SYNDIG1: variants seen among roughly 807,000 people sequenced by gnomAD.
SYNDIG1 encodes synapse differentiation inducing 1, also known as synapse differentiation-inducing gene protein 1.
Under a neutral mutation model 19.4 loss-of-function variants are expected in SYNDIG1, and 9 were observed. That is an observed-to-expected ratio of 0.46 (90% CI 0.28 to 0.81). The LOEUF (loss-of-function observed/expected upper bound fraction) is 0.81. Among genes scored for constraint, SYNDIG1 ranks in the 30% least tolerant of loss-of-function variants. The probability of loss-of-function intolerance (pLI) is 0.12; values close to 1 mark genes in which losing one functional copy is unlikely to be tolerated. For synonymous variants in SYNDIG1, 141 were observed against 145.9 expected (o/e 0.97, Z 0.24); for missense variants, 311 against 343.3 (o/e 0.91, Z 0.74).
In SYNDIG1 at chr20:24,634,068, G is replaced by A. The variant is rs74588106; in HGVS notation, c.619-31278G>A. Among the ~76,000 whole-genome samples, 1,383 of 152,264 alleles carry A rather than the reference G, an allele frequency of 9.1e-3. 10 individuals are homozygous for A. The highest frequency in any genetic ancestry group is 0.016 in the Admixed American group (237 of 15,288). On this transcript the variant is annotated intron_variant, in intron 3 of 3. Transcript: ENST00000376862. ...AAAACAGAAGGAGGAGGAAGAGAAT[G>A]GAGAAAGAAAGCATGAAAACTGAAC...
chr20:24,553,690 C>G (rs1337333665), intron 2 of SYNDIG1, among the ~76,000 whole-genome samples: 1 of 152,194 alleles, frequency 6.6e-6, no homozygotes, highest in Non-Finnish European at 1.5e-5. Context: ...GGTACCAGGA[C>G]CATGCTGTTT....
At chr20:24,656,898 C>T (rs1327387168) in intron 3 of SYNDIG1, among the ~76,000 whole-genome samples, 1 of 152,196 alleles carries the variant, frequency 6.6e-6, no homozygotes, top group South Asian at 2.1e-4. Flanking sequence ...TTGGGTCCTG[C>T]GGACGGATCC....
Position 24,573,688 on chromosome 20 carries a change from C to T in SYNDIG1, c.481-11168C>T, listed in dbSNP as rs1600659513. On this transcript the variant is annotated intron_variant, in intron 2 of 3. Coordinates refer to ENST00000376862, the MANE Select transcript of SYNDIG1 (RefSeq NM_024893.3). ...CCAAGGTATGCATCTGTTCATTGCA[C>T]CCATCTGTTTGGCAGCGGTGATGAG... 1.3e-5 allele frequency among the ~76,000 whole-genome samples: 2 copies of T among 152,340 alleles called. 1 individual carries two copies. Among genetic ancestry groups the T allele is most frequent in the South Asian group, 4.1e-4 (2 of 4,830 alleles).
At chr20:24,582,031 C>A (rs1283445798) in intron 2 of SYNDIG1, among the ~76,000 whole-genome samples, 1 of 132,846 alleles carries the variant, frequency 7.5e-6, no homozygotes, top group Non-Finnish European at 1.6e-5. Context: ...GTCCTCCCCC[C>A]GCACATCCTC....
At chr20:24,539,253 A>T (rs908641182) in intron 1 of SYNDIG1, among the ~76,000 whole-genome samples, 1 of 152,076 alleles carries the variant, frequency 6.6e-6, no homozygotes, top group African/African-American at 2.4e-5. Flanking sequence ...TGATTGATTT[A>T]TTTGGGATTG....
intron 3 of SYNDIG1, among the ~76,000 whole-genome samples, chr20:24,617,625 G>C (rs985736490): frequency 6.6e-6 from 1 of 152,174 alleles, no homozygotes; most frequent in African/African-American, 2.4e-5. Context: ...ACCCAGCAAA[G>C]CCCGGGGGTG....
chr20:24,504,301 A>G (rs1408978197), intron 1 of SYNDIG1, among the ~76,000 whole-genome samples: 1 of 152,184 alleles, frequency 6.6e-6, no homozygotes, highest in East Asian at 1.9e-4. Context: ...TGGTGTGGCT[A>G]TCTGATGGCT....
intron 3 of SYNDIG1, among the ~76,000 whole-genome samples, chr20:24,608,876 G>C (rs1333160133): frequency 6.6e-6 from 1 of 152,170 alleles, no homozygotes; most frequent in Admixed American, 6.5e-5. Context: ...ATTAGATGAT[G>C]TTCAGAAAAA....
chr20:24,622,297 A>C (rs1338134924), intron 3 of SYNDIG1, among the ~76,000 whole-genome samples: 2 of 152,264 alleles, frequency 1.3e-5, no homozygotes, highest in Non-Finnish European at 2.9e-5. Context: ...GATAGGTGAA[A>C]GGAAATGACC....
chr20:24,540,398 T>A (rs1314629692), intron 1 of SYNDIG1, among the ~76,000 whole-genome samples: 1 of 152,220 alleles, frequency 6.6e-6, no homozygotes, highest in Non-Finnish European at 1.5e-5. Flanking sequence ...TTTCTCTGGC[T>A]ACAGTTTTTA....
intron 2 of SYNDIG1, among the ~76,000 whole-genome samples, chr20:24,554,351 G>C (rs1272468680): frequency 6.6e-6 from 1 of 152,174 alleles, no homozygotes; most frequent in South Asian, 2.1e-4. Context: ...TGTTGAATAG[G>C]AGTGATGAGA....
chr20:24,474,314 G>A (rs2055555154), intron 1 of SYNDIG1, among the ~76,000 whole-genome samples: 1 of 152,110 alleles, frequency 6.6e-6, no homozygotes, highest in African/African-American at 2.4e-5. Context: ...ACTATTGTTT[G>A]ATAAATGACC....
intron 3 of SYNDIG1, among the ~76,000 whole-genome samples, chr20:24,586,494 G>A (rs1169880672): frequency 6.6e-6 from 1 of 152,216 alleles, no homozygotes; most frequent in African/African-American, 2.4e-5. Context: ...TGGAGAAATG[G>A]GTGTGGGCAC....
intron 1 of SYNDIG1, among the ~76,000 whole-genome samples, chr20:24,498,655 CTCA>C (rs1054682437): frequency 1.3e-5 from 2 of 152,154 alleles, no homozygotes; most frequent in African/African-American, 4.8e-5. Context: ...TTCAGGATTC[CTCA>C]TGTCATGTAT....
intron 1 of SYNDIG1, among the ~76,000 whole-genome samples, chr20:24,511,322 AG>A (rs1165848820): frequency 6.6e-6 from 1 of 152,176 alleles, no homozygotes; most frequent in East Asian, 1.9e-4. Context: ...TTAGTTCCTC[AG>A]TGTAGGAGTT....
Position 24,493,381 on chromosome 20 carries a change from GAC to G in SYNDIG1, c.-79+23636_-79+23637del, listed in dbSNP as rs763653241. Among the ~76,000 whole-genome samples the G allele has an allele frequency of 2.3e-4, 35 of 152,036 alleles. 1 individual carries two copies. Among genetic ancestry groups the G allele is most frequent in the East Asian group, 1.2e-3 (6 of 5,172 alleles). On this transcript the variant is annotated intron_variant, in intron 1 of 3. Coordinates refer to ENST00000376862, the MANE Select transcript of SYNDIG1 (RefSeq NM_024893.3). ...AAACACGCATGCACACACACATGTG[GAC>G]ACACACAGACATGCACGGGCACACA...
At chr20:24,636,080 G>A (rs1031143021) in intron 3 of SYNDIG1, among the ~76,000 whole-genome samples, 7 of 152,102 alleles carry the variant, frequency 4.6e-5, no homozygotes, top group African/African-American at 1.4e-4. Flanking sequence ...ACTTTGGGGG[G>A]GCTCTATGAA....
intron 1 of SYNDIG1, among the ~76,000 whole-genome samples, chr20:24,531,457 A>T (rs1042887039): frequency 6.6e-6 from 1 of 152,206 alleles, no homozygotes; most frequent in Non-Finnish European, 1.5e-5. Flanking sequence ...GGTTCAGAAA[A>T]AAAGGAAAAC....
intron 1 of SYNDIG1, among the ~76,000 whole-genome samples, chr20:24,503,693 G>C (rs2146399485): frequency 6.6e-6 from 1 of 151,608 alleles, no homozygotes; most frequent in South Asian, 2.1e-4. Flanking sequence ...CAGCCCCCTG[G>C]CACTCCAATC....
Sources: gnomAD v4.1 joint callset for allele counts (sites outside exome capture counted in the v4.1 genomes callset) on GRCh38, gnomAD v4.1.1 for gene constraint, MANE v1.5 for transcripts, NCBI Gene and HGNC (gene_info 2026-07-23, HGNC 2026-07-21) for gene names.